The following ARHGEF4 variants were observed in gnomAD, a reference collection of about 807,000 sequenced individuals.
ARHGEF4 encodes the protein Rho guanine nucleotide exchange factor 4, also known as APC-stimulated guanine nucleotide exchange factor 1.
ARHGEF4 carries 119 observed loss-of-function variants against 162.0 expected under a neutral mutation model. The ratio of observed to expected loss-of-function variants is 0.73; its 90% CI spans 0.63 to 0.86. The LOEUF is 0.86. Among genes scored for constraint, ARHGEF4 ranks in the 40% least tolerant of loss-of-function variants. The pLI is 0.00. For missense variants in ARHGEF4, 2,488 were observed against 2,456.0 expected (o/e 1.01, Z -0.28); for synonymous variants, 1,014 against 979.9 (o/e 1.03, Z -0.65).
rs770551773 is a variant in ARHGEF4 at position 131,040,008 on chromosome 2, GCC to G, written c.4306-7_4306-6del. The G allele has an allele frequency of 6.4e-7, 1 of 1,553,530 alleles. No individual in the cohort carries two copies. The highest frequency in any genetic ancestry group is 1.4e-5 in the African/African-American group (1 of 73,140). ...GCGGGGCACTGACCGGCCACGCATG[GCC>G]TGCAGCTGAGGGTGAATCAGGACGA... On this transcript the variant is annotated splice_region_variant and splice_polypyrimidine_tract_variant and intron_variant, in intron 6 of 13. Coordinates refer to ENST00000409359, the MANE Select transcript of ARHGEF4 (RefSeq NM_001367493.1).
chr2:131,030,536 A>G (rs536967975), intron 5 of ARHGEF4, among the ~76,000 whole-genome samples: 1 of 152,240 alleles, frequency 6.6e-6, no homozygotes, highest in East Asian at 1.9e-4. Context: ...CACAGAGGAG[A>G]GCAGGAAGTC....
intron 4 of ARHGEF4, among the ~76,000 whole-genome samples, chr2:131,021,821 T>G (rs762776064): frequency 1.3e-5 from 2 of 152,230 alleles, no homozygotes; most frequent in African/African-American, 2.4e-5. Flanking sequence ...GTGGCCTTTA[T>G]CACATTGAGG....
chr2:130,875,041 C>T (rs778877671), intron 1 of ARHGEF4, among the ~76,000 whole-genome samples: 60 of 152,244 alleles, frequency 3.9e-4, no homozygotes, highest in Non-Finnish European at 7.2e-4. Context: ...TTGGAGTTCT[C>T]TAGTCTGCTA....
intron 2 of ARHGEF4, chr2:130,929,994 C>T (rs957358331): frequency 2.6e-5 from 4 of 151,668 alleles, no homozygotes; most frequent in African/African-American, 7.3e-5. Flanking sequence ...CCGGGGTTCC[C>T]GCCATTCTCC....
At chr2:130,872,554 G>A (rs1159633646) in intron 1 of ARHGEF4, among the ~76,000 whole-genome samples, 3 of 152,008 alleles carry the variant, frequency 2.0e-5, no homozygotes, top group South Asian at 2.1e-4. Context: ...TGTGTGTCCC[G>A]TCCCCGTGAC....
Position 131,028,235 on chromosome 2 carries a change from C to T in ARHGEF4, c.4125+151C>T, listed in dbSNP as rs898660921. 3.0e-5 allele frequency: 36 copies of T among 1,182,196 alleles called. No homozygotes were observed. In the African/African-American group the frequency reaches 4.7e-4, roughly 16 times the overall value. The allele number at this position is 1,182,196 out of a possible 1,614,324, so 73.2% of individuals were successfully genotyped here. Reference sequence around the variant, plus strand: ...ACACAGCGCAGTTTCAGCCTGCAGTCCTCATTTGGGATGTGGTGTCAAGAG... The same window carrying T: ...ACACAGCGCAGTTTCAGCCTGCAGTTCTCATTTGGGATGTGGTGTCAAGAG... On this transcript the variant is annotated intron_variant, in intron 5 of 13. Coordinates refer to ENST00000409359, the MANE Select transcript of ARHGEF4 (RefSeq NM_001367493.1).
intron 4 of ARHGEF4, among the ~76,000 whole-genome samples, chr2:131,013,663 C>T (rs578205648): frequency 9.2e-5 from 14 of 152,242 alleles, no homozygotes; most frequent in African/African-American, 3.1e-4. Context: ...TGCAGTGGTG[C>T]GATCTTGGCT....
intron 1 of ARHGEF4, among the ~76,000 whole-genome samples, chr2:130,888,682 T>G (rs1477087599): frequency 2.0e-5 from 3 of 152,140 alleles, no homozygotes; most frequent in Non-Finnish European, 4.4e-5. Context: ...TTCCAGATAC[T>G]TAGGGATGAT....
chr2:130,914,807 G>A lies in ARHGEF4; in HGVS notation c.861G>A (p.Gln287=). The A allele has an allele frequency of 6.9e-7, 1 of 1,449,160 alleles. No individual in the cohort carries two copies. The highest frequency in any genetic ancestry group is 9.1e-7 in the Non-Finnish European group (1 of 1,104,486). The allele number at this position is 1,449,160 out of a possible 1,614,324, so 89.8% of individuals were successfully genotyped here. ...PAGDTELLWS[Q]PHSDVPCQPP... is the part of the protein sequence containing the mutation. Reference sequence around the variant, plus strand: ...GGGACACAGAATTGCTCTGGTCCCAGCCCCACTCGGATGTCCCCTGCCAGC... The same window carrying A: ...GGGACACAGAATTGCTCTGGTCCCAACCCCACTCGGATGTCCCCTGCCAGC... Residue 287 remains glutamine (Q), a synonymous_variant, in exon 2 of 14, where the codon CAG becomes CAA. Coordinates refer to ENST00000409359, the MANE Select transcript of ARHGEF4 (RefSeq NM_001367493.1).
chr2:131,041,986 C>A (rs1413734315), intron 10 of ARHGEF4, 42 bp downstream of exon 10: 2 of 1,594,120 alleles, frequency 1.3e-6, no homozygotes, highest in South Asian at 1.1e-5. Flanking sequence ...AGGTCTTGGC[C>A]CCTCGCTTTA....
chr2:130,997,239 T>C (rs967479837), intron 4 of ARHGEF4, among the ~76,000 whole-genome samples: 4 of 152,264 alleles, frequency 2.6e-5, no homozygotes, highest in African/African-American at 4.8e-5. Context: ...AGGCTTTTAT[T>C]GTTCAGCTCG....
chr2:131,022,724 A>C (rs1689217290), intron 4 of ARHGEF4, among the ~76,000 whole-genome samples: 1 of 152,006 alleles, frequency 6.6e-6, no homozygotes, highest in Admixed American at 6.6e-5. Context: ...AACTTTTAGA[A>C]GAAAACATTA....
chr2:131,043,748 G>A, intron 11 of ARHGEF4, 165 bp downstream of exon 11: 1 of 880,970 alleles, frequency 1.1e-6, no homozygotes, highest in Non-Finnish European at 1.7e-6. Context: ...AGGTGAGCCT[G>A]GTGGCCCAGG....
intron 1 of ARHGEF4, among the ~76,000 whole-genome samples, chr2:130,911,246 G>A (rs1393905470): frequency 6.6e-6 from 1 of 152,192 alleles, no homozygotes; most frequent in East Asian, 1.9e-4. Context: ...GTTTCTTACA[G>A]GAGACAGGCT....
At chr2:131,044,054 CA>C (rs1229313565) in intron 11 of ARHGEF4, among the ~76,000 whole-genome samples, 1 of 152,164 alleles carries the variant, frequency 6.6e-6, no homozygotes, top group Non-Finnish European at 1.5e-5. Context: ...CTCCCCACCT[CA>C]AAGACAGGGC....
chr2:131,039,635 C>T (rs1690605475), intron 6 of ARHGEF4: 1 of 1,140,412 alleles, frequency 8.8e-7, no homozygotes, highest in Non-Finnish European at 1.1e-6. Flanking sequence ...GCACCCTAAG[C>T]CTTTCCCCAA....
intron 4 of ARHGEF4, among the ~76,000 whole-genome samples, chr2:131,001,707 G>A (rs1296042118): frequency 6.6e-6 from 1 of 152,130 alleles, no homozygotes; most frequent in Admixed American, 6.5e-5. Context: ...AGGCTTCGAG[G>A]TTATACCCAA....
intron 1 of ARHGEF4, among the ~76,000 whole-genome samples, chr2:130,878,306 G>A (rs1010454934): frequency 6.6e-6 from 1 of 152,166 alleles, no homozygotes; most frequent in Non-Finnish European, 1.5e-5. Context: ...TGGCCTTTGA[G>A]ATAGTAAATT....
chr2:130,948,512 C>T (rs1044743417), intron 4 of ARHGEF4, among the ~76,000 whole-genome samples: 6 of 152,218 alleles, frequency 3.9e-5, no homozygotes, highest in African/African-American at 1.4e-4. Flanking sequence ...CTGATTTTGG[C>T]CTTTCAAGTC....
Sources: allele counts gnomAD v4.1 joint callset (sites outside exome capture counted in the v4.1 genomes callset), GRCh38; gene constraint gnomAD v4.1.1; transcripts MANE v1.5; gene names NCBI Gene and HGNC (gene_info 2026-07-23, HGNC 2026-07-21).